CEMIP: variants seen among roughly 807,000 people sequenced by gnomAD.
CEMIP encodes cell migration-inducing and hyaluronan-binding protein.
Under a neutral mutation model 156.9 loss-of-function variants are expected in CEMIP, and 105 were observed. That is an observed-to-expected ratio of 0.67 (90% CI 0.57 to 0.79). The LOEUF is 0.79. Ranked by LOEUF, CEMIP falls within the 30% of genes least tolerant of loss-of-function variation. The pLI is 0.00. For missense variants in CEMIP, 1,457 were observed against 1,769.4 expected, an observed-to-expected ratio of 0.82 and a Z score of 3.17; for synonymous variants, 676 against 668.4, an observed-to-expected ratio of 1.01 and a Z score of -0.17.
chr15:80,912,568 G>C (rs1900110602), intron 14 of CEMIP, among the ~76,000 whole-genome samples: 1 of 152,202 alleles, frequency 6.6e-6, no homozygotes, highest in Non-Finnish European at 1.5e-5. Context: ...AAATTGTCCT[G>C]GCTTAGAATC....
rs1901786903 is a variant in CEMIP, at chr15:80,950,818, C to G, written c.*1894C>G. On this transcript the variant is annotated 3_prime_UTR_variant, in exon 30 of 30. Coordinates refer to ENST00000394685, the MANE Select transcript of CEMIP (RefSeq NM_001293298.2). ...ATAATCTTGCACGAGGCACCAGAGT[C>G]TCCCTGGGTCTTGTGATGAACTACA... is the stretch of plus-strand genomic sequence containing the variant. 6.5e-6 allele frequency: 1 copy of G among 152,716 alleles called. No individual in the cohort carries two copies. Among genetic ancestry groups the G allele is most frequent in the African/African-American group, 2.4e-5 (1 of 41,466 alleles). 9.5% of individuals were successfully genotyped at this position (152,716 alleles called of 1,614,324 possible).
chr15:80,918,894 G>C (rs1195196870), intron 14 of CEMIP, among the ~76,000 whole-genome samples: 1 of 152,010 alleles, frequency 6.6e-6, no homozygotes, highest in African/African-American at 2.4e-5. Context: ...AGATTGATGA[G>C]TTTAGAGATA....
intron 1 of CEMIP, among the ~76,000 whole-genome samples, chr15:80,863,731 G>A (rs186234317): frequency 1.3e-5 from 2 of 152,286 alleles, no homozygotes; most frequent in Non-Finnish European, 2.9e-5. Flanking sequence ...GGCCTTTGGG[G>A]GCCCGGAGGA....
chr15:80,937,685 G>T, intron 24 of CEMIP, 109 bp from the exon 25 acceptor site: 1 of 954,480 alleles, frequency 1.0e-6, no homozygotes, highest in Non-Finnish European at 1.7e-6. Context: ...ATACAAAAGT[G>T]GAGGTGTCAT....
At chr15:80,869,472 G>A (rs1302125428) in intron 1 of CEMIP, among the ~76,000 whole-genome samples, 1 of 152,186 alleles carries the variant, frequency 6.6e-6, no homozygotes, top group African/African-American at 2.4e-5. Context: ...TCATTTTAAG[G>A]GAAGTGTCCA....
Position 80,849,517 on chromosome 15 carries a change from G to A in CEMIP, c.-175-24021G>A, listed in dbSNP as rs146898846. Among the ~76,000 whole-genome samples the A allele has an allele frequency of 4.9e-4, 75 of 152,268 alleles. 1 individual carries two copies. The East Asian group carries it at 0.013, about 26-fold the overall frequency. On this transcript the variant is annotated intron_variant, in intron 1 of 29. Coordinates refer to ENST00000394685, the MANE Select transcript of CEMIP (RefSeq NM_001293298.2). ...CCCTCTTGCTCACCCACTTCACGCC[G>A]TGGGATCGGTTACCAACTCTGCCAG...
At chr15:80,831,684 G>C (rs889539658) in intron 1 of CEMIP, among the ~76,000 whole-genome samples, 3 of 152,212 alleles carry the variant, frequency 2.0e-5, no homozygotes, top group Non-Finnish European at 4.4e-5. Context: ...GGAGTATCCA[G>C]GTTCCAACTG....
chr15:80,793,579 AG>A (rs1896138683), intron 1 of CEMIP, among the ~76,000 whole-genome samples: 1 of 152,162 alleles, frequency 6.6e-6, no homozygotes, highest in African/African-American at 2.4e-5. Context: ...ATTTCTTGGG[AG>A]CATCGCTTCC....
chr15:80,881,859 G>A (rs1898671748), intron 6 of CEMIP, among the ~76,000 whole-genome samples: 1 of 152,232 alleles, frequency 6.6e-6, no homozygotes, highest in Admixed American at 6.5e-5. Context: ...GGCAAGACAT[G>A]GCAGTGATGA....
intron 17 of CEMIP, 61 bp downstream of exon 17, chr15:80,922,198 G>T: frequency 6.2e-7 from 1 of 1,605,394 alleles, no homozygotes; most frequent in Non-Finnish European, 8.5e-7. Flanking sequence ...CAGGCCTGCA[G>T]ATGATTAGAG....
chr15:80,865,342 C>T lies in CEMIP; in HGVS notation c.-175-8196C>T, dbSNP rs1420663682. 3.3e-5 allele frequency among the ~76,000 whole-genome samples: 5 copies of T among 152,116 alleles called. No homozygotes were observed. The East Asian group carries it at 5.8e-4, about 18-fold the overall frequency. On this transcript the variant is annotated intron_variant, in intron 1 of 29. Coordinates refer to ENST00000394685, the MANE Select transcript of CEMIP (RefSeq NM_001293298.2). ...GTCTACGGGCTCGCGCCACCACGCC[C>T]GGCTAATGTTTGTATTTTTAGTAGA...
chr15:80,828,608 A>AT (rs1286667685), intron 1 of CEMIP, among the ~76,000 whole-genome samples: 1 of 152,196 alleles, frequency 6.6e-6, no homozygotes, highest in Non-Finnish European at 1.5e-5. Context: ...TATATAATGA[A>AT]TTTTTTCTGG....
At chr15:80,946,930 T>C in intron 28 of CEMIP, 35 bp from the exon 29 acceptor site, 4 of 1,462,550 alleles carry the variant, frequency 2.7e-6, no homozygotes, top group Non-Finnish European at 3.8e-6. Flanking sequence ...CAGTTTGCTC[T>C]CTCCCTCTGG....
chr15:80,918,385 T>A (rs4778868), intron 14 of CEMIP, among the ~76,000 whole-genome samples: 103,016 of 152,114 alleles, frequency 0.68, 37,046 homozygotes, highest in Non-Finnish European at 0.79. Flanking sequence ...CCAATGGAAT[T>A]TTTGGCAATG....
chr15:80,943,581 T>A (rs968985398), intron 28 of CEMIP, among the ~76,000 whole-genome samples: 3 of 152,200 alleles, frequency 2.0e-5, no homozygotes, highest in African/African-American at 7.2e-5. Context: ...TCATCCTACT[T>A]CTTCAGTTTT....
At chr15:80,914,444 C>T (rs1445655170) in intron 14 of CEMIP, among the ~76,000 whole-genome samples, 1 of 152,200 alleles carries the variant, frequency 6.6e-6, no homozygotes, top group African/African-American at 2.4e-5. Flanking sequence ...AACAGGCTGC[C>T]ACATGTGGCC....
intron 1 of CEMIP, among the ~76,000 whole-genome samples, chr15:80,839,520 C>A (rs911574572): frequency 1.3e-5 from 2 of 152,156 alleles, no homozygotes; most frequent in Non-Finnish European, 2.9e-5. Context: ...GCAGCGAAGC[C>A]GGCCAGACCT....
chr15:80,890,711 G>T (rs570821247), intron 10 of CEMIP, among the ~76,000 whole-genome samples: 3 of 151,994 alleles, frequency 2.0e-5, no homozygotes, highest in African/African-American at 7.3e-5. Flanking sequence ...ATCAAAGCTC[G>T]GGTCCCAGGT....
At chr15:80,908,411 G>T (rs563818023) in intron 13 of CEMIP, among the ~76,000 whole-genome samples, 3 of 152,300 alleles carry the variant, frequency 2.0e-5, no homozygotes, top group Non-Finnish European at 4.4e-5. Context: ...TTCTTTAGTA[G>T]AGGTTAGCTG....
Sources: allele counts gnomAD v4.1 joint callset (sites outside exome capture counted in the v4.1 genomes callset), GRCh38; gene constraint gnomAD v4.1.1; transcripts MANE v1.5; gene names NCBI Gene and HGNC (gene_info 2026-07-23, HGNC 2026-07-21).